Variants in LRCH1 observed in about 807,000 individuals in gnomAD.
LRCH1 encodes the protein leucine rich repeats and calponin homology domain containing 1.
Under a neutral mutation model 94.9 loss-of-function variants are expected in LRCH1, and 23 were observed. That is an observed-to-expected ratio of 0.24 (90% CI 0.17 to 0.34). The LOEUF (loss-of-function observed/expected upper bound fraction) is 0.34, where lower values mean the gene tolerates loss of function less well. Ranked by LOEUF, LRCH1 falls within the 10% of genes least tolerant of loss-of-function variation. The pLI, the probability that LRCH1 is intolerant of heterozygous loss-of-function variation, is 1.00. For missense variants in LRCH1, 790 were observed against 945.9 expected (o/e 0.84, Z 2.16); for synonymous variants, 364 against 354.9 (o/e 1.03, Z -0.29).
chr13:46,712,714 C>G, intron 15 of LRCH1, 117 bp downstream of exon 15: 1 of 912,174 alleles, frequency 1.1e-6, no homozygotes, highest in Non-Finnish European at 1.7e-6. Context: ...AGCCGAAATC[C>G]TGGCATCTAC....
rs191164273 is a variant in LRCH1 at position 46,705,166 on chromosome 13, G to A, written c.1490+9G>A. On this transcript the variant is annotated intron_variant, in intron 12 of 19. Transcript: ENST00000389797. Reference sequence around the variant, plus strand: ...CAAGATTCTGCACTGAAGTATGCTTGCCTTTTATAACAAATTATGTTTTCT... The same window carrying A: ...CAAGATTCTGCACTGAAGTATGCTTACCTTTTATAACAAATTATGTTTTCT... 5 of 1,601,388 alleles carry A rather than the reference G, an allele frequency of 3.1e-6. No individual in the cohort carries two copies. The East Asian group carries it at 8.9e-5, about 29-fold the overall frequency.
At chr13:46,726,862 CAAAA>C (rs71077918) in intron 17 of LRCH1, among the ~76,000 whole-genome samples, 2,654 of 77,944 alleles carry the variant, frequency 0.034, 79 homozygotes, top group African/African-American at 0.095. Flanking sequence ...AGAGCAGTGT[CAAAA>C]AAAAAAAAAA....
intron 1 of LRCH1, among the ~76,000 whole-genome samples, chr13:46,556,811 T>A (rs1335823636): frequency 6.6e-6 from 1 of 152,150 alleles, no homozygotes; most frequent in African/African-American, 2.4e-5. Flanking sequence ...TTCCTGGAAA[T>A]TCATTCAACC....
chr13:46,669,093 A>T lies in LRCH1; in HGVS notation c.516A>T (p.Ala172=). ...LCGLPLKVLI[A]SNNKLGSLPE... Reference sequence around the variant, plus strand: ...GTCTGCCTCTCAAAGTCTTAATCGCAAGTAACAACAAACTTGGATCATTAC... The same window carrying T: ...GTCTGCCTCTCAAAGTCTTAATCGCTAGTAACAACAAACTTGGATCATTAC... The change falls in exon 3 of 20, where the codon GCA becomes GCT. Residue 172 remains alanine, a synonymous_variant. Coordinates refer to ENST00000389797, the MANE Select transcript of LRCH1 (RefSeq NM_001164211.2). 6.2e-7 allele frequency: 1 copy of T among 1,614,150 alleles called. No individual in the cohort carries two copies. The highest frequency in any genetic ancestry group is 8.5e-7 in the Non-Finnish European group (1 of 1,180,016).
In LRCH1 at chr13:46,742,387, C is replaced by T. The variant is rs765656082; in HGVS notation, c.*539C>T. ...TAATACCACTACTGACCAAGTTGGA[C>T]GTGTACACGTACTCACACTGCCTTG... is the stretch of plus-strand genomic sequence containing the variant. On this transcript the variant is annotated 3_prime_UTR_variant, in exon 20 of 20. Transcript: ENST00000389797. 7.3e-5 allele frequency: 72 copies of T among 992,296 alleles called. No individual in the cohort carries two copies. The highest frequency in any genetic ancestry group is 1.1e-4 in the East Asian group (1 of 9,110). 61.5% of individuals were successfully genotyped at this position (992,296 alleles called of 1,614,324 possible).
chr13:46,724,701 A>G (rs1362712144), intron 17 of LRCH1, among the ~76,000 whole-genome samples: 1 of 152,258 alleles, frequency 6.6e-6, no homozygotes, highest in Non-Finnish European at 1.5e-5. Flanking sequence ...GGAAGAAAAC[A>G]TTGGTATTAG....
Position 46,694,890 on chromosome 13 carries a change from T to C in LRCH1, c.1121-3T>C, listed in dbSNP as rs374326056. The C allele has an allele frequency of 4.1e-5, 66 of 1,613,930 alleles. No individual in the cohort carries two copies. The African/African-American group carries it at 8.4e-4, about 21-fold the overall frequency. ...TTTCCATCTCTCTATATTTTCCTAA[T>C]AGGGGAATTTCATCAGGAATTTCAA... On this transcript the variant is annotated splice_polypyrimidine_tract_variant and splice_region_variant and intron_variant, in intron 8 of 19. Coordinates refer to ENST00000389797, the MANE Select transcript of LRCH1 (RefSeq NM_001164211.2).
At chr13:46,567,341 A>G (rs2050195055) in intron 1 of LRCH1, among the ~76,000 whole-genome samples, 1 of 152,216 alleles carries the variant, frequency 6.6e-6, no homozygotes, top group African/African-American at 2.4e-5. Context: ...AGGGCAGCAC[A>G]AGATTATGGC....
downstream of LRCH1, among the ~76,000 whole-genome samples, chr13:46,749,330 A>G (rs1038932914): frequency 8.5e-5 from 13 of 152,202 alleles, no homozygotes; most frequent in Admixed American, 7.2e-4. Context: ...GTGGAATCTA[A>G]AAACGTTGAA....
At chr13:46,692,103 C>T (rs1870929173) in intron 7 of LRCH1, among the ~76,000 whole-genome samples, 1 of 152,192 alleles carries the variant, frequency 6.6e-6, no homozygotes, top group Non-Finnish European at 1.5e-5. Context: ...GGCCCCACCT[C>T]CAGCATTGGG....
Position 46,658,654 on chromosome 13 carries a change from A to AT in LRCH1, c.452+8316dup, listed in dbSNP as rs559736770. Among the ~76,000 whole-genome samples, 627 of 151,980 alleles carry AT rather than the reference A, an allele frequency of 4.1e-3. 3 individuals are homozygous for AT. The highest frequency in any genetic ancestry group is 6.8e-3 in the Non-Finnish European group (460 of 67,958). ...ACCACCATGCCCAGCTAATTTTTAA[A>AT]TTTTTTTATAGAGATGGAGTCTCGC... is the stretch of plus-strand genomic sequence containing the variant. On this transcript the variant is annotated intron_variant, in intron 2 of 19. Transcript: ENST00000389797.
intron 2 of LRCH1, among the ~76,000 whole-genome samples, chr13:46,657,713 G>A (rs12870005): frequency 6.3e-5 from 1 of 15,792 alleles, no homozygotes; most frequent in African/African-American, 1.8e-4. Flanking sequence ...TTTTTTGGTA[G>A]AGATGGAATT....
At position 46,655,944 on chromosome 13, in the gene LRCH1, G is replaced by A. The variant is rs553296384; in HGVS notation, c.452+5599G>A. Among the ~76,000 whole-genome samples, 11 of 152,340 alleles carry A rather than the reference G, an allele frequency of 7.2e-5. No individual in the cohort carries two copies. The South Asian group carries it at 1.7e-3, about 23-fold the overall frequency. Reference sequence around the variant, plus strand: ...AGCCCCAACCTCTCCCAACCTACTAGGAGTGGGTTCCGAAGCATTGCCTGT... The same window carrying A: ...AGCCCCAACCTCTCCCAACCTACTAAGAGTGGGTTCCGAAGCATTGCCTGT... On this transcript the variant is annotated intron_variant, in intron 2 of 19. Transcript: ENST00000389797.
At chr13:46,711,985 C>G (rs1287270002) in intron 14 of LRCH1, 141 bp downstream of exon 14, 1 of 581,450 alleles carries the variant, frequency 1.7e-6, no homozygotes, top group Non-Finnish European at 3.0e-6. Flanking sequence ...CTCTCATTAG[C>G]TATCATAGCT....
intron 1 of LRCH1, among the ~76,000 whole-genome samples, chr13:46,590,288 C>T (rs1342193870): frequency 6.6e-6 from 1 of 152,116 alleles, no homozygotes; most frequent in South Asian, 2.1e-4. Flanking sequence ...CCCCCCTTCA[C>T]CCTATCTCTT....
intron 2 of LRCH1, among the ~76,000 whole-genome samples, chr13:46,668,722 CGG>C (rs2051554829): frequency 8.2e-6 from 1 of 121,296 alleles, no homozygotes; most frequent in Admixed American, 8.3e-5. Flanking sequence ...TTCTAAGTGG[CGG>C]TGGCGGGGTG....
At chr13:46,573,205 T>C (rs1490839345) in intron 1 of LRCH1, among the ~76,000 whole-genome samples, 2 of 151,552 alleles carry the variant, frequency 1.3e-5, no homozygotes, top group East Asian at 3.8e-4. Context: ...TCTTTTCTCA[T>C]GTAACTACTA....
intron 10 of LRCH1, 37 bp from the exon 11 acceptor site, chr13:46,701,084 G>T: frequency 7.8e-7 from 1 of 1,290,232 alleles, no homozygotes; most frequent in South Asian, 1.2e-5. Flanking sequence ...ATGTTGTATT[G>T]ATCGTTTTCA....
At chr13:46,670,654 T>TCCA (rs112062890) in intron 3 of LRCH1, among the ~76,000 whole-genome samples, 8 of 144,586 alleles carry the variant, frequency 5.5e-5, no homozygotes, top group Non-Finnish European at 1.1e-4. Flanking sequence ...ACACTGCCCA[T>TCCA]CCCCCCCCAA....
Sources: gnomAD v4.1 joint callset for allele counts (sites outside exome capture counted in the v4.1 genomes callset) on GRCh38, gnomAD v4.1.1 for gene constraint, MANE v1.5 for transcripts, NCBI Gene and HGNC (gene_info 2026-07-23, HGNC 2026-07-21) for gene names.